The following CACNA1E variants were observed in gnomAD, a reference collection of about 807,000 sequenced individuals.
The protein encoded by CACNA1E is voltage-dependent R-type calcium channel subunit alpha-1E.
Under a neutral mutation model 259.2 loss-of-function variants are expected in CACNA1E, and 40 were observed. That is an observed-to-expected ratio of 0.15 (90% CI 0.12 to 0.20). The LOEUF (loss-of-function observed/expected upper bound fraction) is 0.20, where lower values mean the gene tolerates loss of function less well. CACNA1E is among the 10% of genes least tolerant of loss of function. The pLI, the probability that CACNA1E is intolerant of heterozygous loss-of-function variation, is 1.00. For synonymous variants in CACNA1E, 1,104 were observed against 1,138.5 expected, an observed-to-expected ratio of 0.97 and a Z score of 0.61; for missense variants, 1,874 against 3,040.1, an observed-to-expected ratio of 0.62 and a Z score of 9.02.
At chr1:181,736,192 C>T in intron 21 of CACNA1E, 83 bp from the exon 22 acceptor site, 3 of 1,486,828 alleles carry the variant, frequency 2.0e-6, no homozygotes, top group Non-Finnish European at 2.7e-6. Context: ...CTCCTCCTCT[C>T]CTTTCATCCC....
chr1:181,537,350 T>TGGTTA (rs1668256878), intron 3 of CACNA1E, among the ~76,000 whole-genome samples: 3 of 152,050 alleles, frequency 2.0e-5, no homozygotes, highest in Non-Finnish European at 4.4e-5. Flanking sequence ...CCACCCACCT[T>TGGTTA]GGCCTCCCAA....
chr1:181,344,644 A>AG (rs1209903050), intron 1 of CACNA1E, among the ~76,000 whole-genome samples: 1 of 152,192 alleles, frequency 6.6e-6, no homozygotes, highest in Non-Finnish European at 1.5e-5. Context: ...TGGCAAGGAC[A>AG]GTGGAATTAC....
chr1:181,571,200 G>A (rs10910965), intron 3 of CACNA1E, among the ~76,000 whole-genome samples: 3 of 152,086 alleles, frequency 2.0e-5, no homozygotes, highest in African/African-American at 7.2e-5. Context: ...GCTCAGAGTG[G>A]CAATTTCAAA....
chr1:181,358,572 A>AT (rs1236929547), intron 1 of CACNA1E, among the ~76,000 whole-genome samples: 2 of 152,178 alleles, frequency 1.3e-5, no homozygotes, highest in African/African-American at 4.8e-5. Context: ...AAACTGAGGA[A>AT]CTAGGCATGG....
chr1:181,357,985 G>C (rs562401976), intron 1 of CACNA1E, among the ~76,000 whole-genome samples: 10 of 152,176 alleles, frequency 6.6e-5, no homozygotes, highest in Non-Finnish European at 1.3e-4. Context: ...GGAGGTGAGA[G>C]ATTTGCTGGT....
In CACNA1E at chr1:181,450,673, G is replaced by A. The variant is rs149722536; in HGVS notation, c.435-33071G>A. On this transcript the variant is annotated intron_variant, in intron 2 of 11. Transcript: ENST00000524607. ...CTAAAAAACGAGATAATAATGTATA[G>A]GCCAGGTGCAGAAATTTGTGCTTTA... is the stretch of plus-strand genomic sequence containing the variant. Among the ~76,000 whole-genome samples, 356 of 152,258 alleles carry A rather than the reference G, an allele frequency of 2.3e-3. 2 individuals are homozygous for A. Among genetic ancestry groups the A allele is most frequent in the African/African-American group, 8.2e-3 (341 of 41,550 alleles).
chr1:181,658,087 A>C (rs1659355825), intron 7 of CACNA1E, among the ~76,000 whole-genome samples: 1 of 152,216 alleles, frequency 6.6e-6, no homozygotes, highest in South Asian at 2.1e-4. Flanking sequence ...TTTAGTTTGG[A>C]AAATTTAAGA....
intron 3 of CACNA1E, among the ~76,000 whole-genome samples, chr1:181,544,097 T>C (rs1329193221): frequency 6.6e-6 from 1 of 152,158 alleles, no homozygotes; most frequent in Non-Finnish European, 1.5e-5. Flanking sequence ...AGACAAAATG[T>C]GGCATGTCAG....
chr1:181,631,046 C>T (rs1656686167), intron 6 of CACNA1E, among the ~76,000 whole-genome samples: 1 of 152,220 alleles, frequency 6.6e-6, no homozygotes, highest in Non-Finnish European at 1.5e-5. Flanking sequence ...TTTTCACCCT[C>T]AGCCCCAGGG....
intron 2 of CACNA1E, among the ~76,000 whole-genome samples, chr1:181,417,166 C>A (rs983370989): frequency 2.6e-5 from 4 of 152,182 alleles, no homozygotes; most frequent in Non-Finnish European, 5.9e-5. Context: ...ACTGCATCCA[C>A]AAGACACTGA....
intron 1 of CACNA1E, among the ~76,000 whole-genome samples, chr1:181,318,952 C>T (rs1209804712): frequency 6.6e-6 from 1 of 152,156 alleles, no homozygotes; most frequent in Non-Finnish European, 1.5e-5. Context: ...ATGGAACATC[C>T]AGTTTTCTGT....
chr1:181,747,893 A>G (rs976581754), intron 25 of CACNA1E, among the ~76,000 whole-genome samples: 5 of 152,164 alleles, frequency 3.3e-5, no homozygotes, highest in African/African-American at 1.2e-4. Context: ...CCATGTGTAA[A>G]TTATATTTTA....
At chr1:181,781,034 T>C (rs552253382) in intron 38 of CACNA1E, among the ~76,000 whole-genome samples, 1 of 152,150 alleles carries the variant, frequency 6.6e-6, no homozygotes, top group African/African-American at 2.4e-5. Context: ...TAAGCTGTGT[T>C]GTATTGGGGA....
chr1:181,711,209 G>T (rs907167685), intron 8 of CACNA1E, 140 bp downstream of exon 8: 7 of 644,150 alleles, frequency 1.1e-5, no homozygotes, highest in Admixed American at 8.1e-5. Context: ...GGCTCTTAAG[G>T]TTCCCTGCTC....
chr1:181,464,517 T>C (rs1485971171), intron 2 of CACNA1E, among the ~76,000 whole-genome samples: 1 of 151,992 alleles, frequency 6.6e-6, no homozygotes, highest in East Asian at 1.9e-4. Context: ...TGAGTCTTTG[T>C]TTTAGGTGTA....
intron 1 of CACNA1E, among the ~76,000 whole-genome samples, chr1:181,393,735 G>A (rs1328271349): frequency 3.9e-5 from 6 of 152,210 alleles, no homozygotes; most frequent in South Asian, 2.1e-4. Flanking sequence ...TGGGATTACC[G>A]GCGTGTGCCC....
intron 2 of CACNA1E, among the ~76,000 whole-genome samples, chr1:181,469,896 T>C (rs551859852): frequency 7.6e-4 from 116 of 152,200 alleles, no homozygotes; most frequent in African/African-American, 2.7e-3. Flanking sequence ...CCCTGGAACA[T>C]ATTTAGCTGT....
chr1:181,724,227 A>C (rs948555305), intron 16 of CACNA1E, among the ~76,000 whole-genome samples: 9 of 152,138 alleles, frequency 5.9e-5, no homozygotes, highest in African/African-American at 1.9e-4. Flanking sequence ...GTTTGATTCA[A>C]GTATTTCTTT....
At chr1:181,584,524 G>A (rs1396337924) in intron 6 of CACNA1E, among the ~76,000 whole-genome samples, 3 of 152,156 alleles carry the variant, frequency 2.0e-5, no homozygotes, top group Admixed American at 2.0e-4. Context: ...CTTTTAAGTT[G>A]CCTTTTCACA....
Sources: gnomAD v4.1 joint callset for allele counts (sites outside exome capture counted in the v4.1 genomes callset) on GRCh38, gnomAD v4.1.1 for gene constraint, MANE v1.5 for transcripts, NCBI Gene and HGNC (gene_info 2026-07-23, HGNC 2026-07-21) for gene names.